Variants in GTF3C1 observed in about 807,000 individuals in gnomAD.
GTF3C1 encodes the protein general transcription factor IIIC subunit 1.
In GTF3C1, 57 loss-of-function variants were observed where a neutral mutation model predicts 226.7. That is an observed-to-expected ratio of 0.25 (90% confidence interval 0.20 to 0.31). GTF3C1 has a LOEUF of 0.31. Ranked by LOEUF, GTF3C1 falls within the 10% of genes least tolerant of loss-of-function variation. The probability of loss-of-function intolerance (pLI) is 1.00; values close to 1 mark genes in which losing one functional copy is unlikely to be tolerated. For synonymous variants in GTF3C1, 1,090 were observed against 1,084.8 expected, an observed-to-expected ratio of 1.00 and a Z score of -0.09; for missense variants, 2,217 against 2,776.1, an observed-to-expected ratio of 0.80 and a Z score of 4.53.
In GTF3C1 at chr16:27,470,293, AG is replaced by A; in HGVS notation, c.4628del (p.Ser1543PhefsTer30). On this transcript the variant is annotated frameshift_variant, in exon 31 of 37. Transcript: ENST00000356183. LOFTEE classifies it high-confidence loss of function. This position sits in a 1 kb window ranked among gnomAD's most constrained non-coding sequence, Gnocchi z 4.9. ...AGKLDQPDRF[S>X]FKDQDNNEPT... ...GCTCGTTATTATCCTGGTCTTTGAA[AG>A]AGAAACGATCAGGCTGGTCCAACTT... The A allele has an allele frequency of 6.2e-7, 1 of 1,613,898 alleles. No homozygotes were observed.
chr16:27,500,810 C>T (rs1473867916), intron 12 of GTF3C1, among the ~76,000 whole-genome samples: 1 of 152,236 alleles, frequency 6.6e-6, no homozygotes, highest in East Asian at 1.9e-4. Context: ...GCCATTGCTT[C>T]CTCTGGGATG....
chr16:27,502,988 C>A lies in GTF3C1; in HGVS notation c.1778G>T (p.Ser593Ile), dbSNP rs984173303. The change falls in exon 11 of 37, where the codon AGC becomes ATC. Residue 593 changes from serine to isoleucine, a missense_variant. Transcript: ENST00000356183. ...EVRMENPKES[S>I]SSLKTGRHSS... ...GTGCCTCCCAGTCTTCAGGGAACTG[C>A]TACTCTCCTAGAACAGAGACCGAAA... is the stretch of plus-strand genomic sequence containing the variant. The A allele has an allele frequency of 5.0e-6, 8 of 1,612,720 alleles. No homozygotes were observed. In the African/African-American group the frequency reaches 1.1e-4, roughly 22 times the overall value.
intron 9 of GTF3C1, 61 bp from the exon 10 acceptor site, chr16:27,506,177 G>T: frequency 1.0e-6 from 1 of 957,216 alleles, no homozygotes; most frequent in East Asian, 2.4e-5. Flanking sequence ...ATTCATGTTT[G>T]GCAATCAGAC....
At chr16:27,467,286 G>A (rs930865151) in intron 32 of GTF3C1, among the ~76,000 whole-genome samples, 22 of 152,176 alleles carry the variant, frequency 1.4e-4, no homozygotes, top group African/African-American at 5.3e-4. Context: ...TAAGAATTAC[G>A]CTAAATCTAT....
chr16:27,465,108 T>A (rs1257541400), intron 33 of GTF3C1, 152 bp downstream of exon 33: 1 of 723,416 alleles, frequency 1.4e-6, no homozygotes, highest in Non-Finnish European at 2.3e-6. Flanking sequence ...GGATGTGAAA[T>A]GCCCCAGTTT....
Position 27,484,287 on chromosome 16 carries a change from A to C in GTF3C1, c.3925T>G (p.Leu1309Val). The C allele has an allele frequency of 1.9e-6, 3 of 1,607,248 alleles. No homozygotes were observed. Among genetic ancestry groups the C allele is most frequent in the Non-Finnish European group, 2.6e-6 (3 of 1,173,734 alleles). Residue 1309 changes from leucine to valine, a missense_variant, in exon 25 of 37, where the codon TTG (leucine) becomes GTG (valine). Transcript: ENST00000356183. ...CCAACGGAATGAGATGTTTTATCCA[A>C]AGACTCTTCAAACGTGGCATGCAAA... ...DILHATFEES[L>V]DKTSHSVGRR...
chr16:27,496,437 G>C (rs1726976734), intron 14 of GTF3C1, among the ~76,000 whole-genome samples: 1 of 152,186 alleles, frequency 6.6e-6, no homozygotes, highest in South Asian at 2.1e-4. Context: ...TTTTGAAACA[G>C]AGTCTCGCTC....
intron 2 of GTF3C1, among the ~76,000 whole-genome samples, chr16:27,541,242 C>T (rs906598971): frequency 6.6e-6 from 1 of 152,162 alleles, no homozygotes; most frequent in Non-Finnish European, 1.5e-5. Flanking sequence ...AGCATGCCTG[C>T]TCCTGGAGGT....
intron 24 of GTF3C1, among the ~76,000 whole-genome samples, chr16:27,484,566 A>G (rs1050269065): frequency 6.6e-6 from 1 of 152,226 alleles, no homozygotes; most frequent in Non-Finnish European, 1.5e-5. Context: ...GGCCTCAGTG[A>G]CCAGCGGGAA....
At position 27,465,313 on chromosome 16, in the gene GTF3C1, C is replaced by T. The variant is rs746615350; in HGVS notation, c.5302G>A (p.Ala1768Thr). The change falls in exon 33 of 37, where the codon GCC (alanine) becomes ACC (threonine). Residue 1768 changes from alanine (A) to threonine (T), a missense_variant. Transcript: ENST00000356183. ...DKEELRRRFS[A>T]LEKAGGGRTR... ...CGCCCACCACCTGCCTTCTCCAAGG[C>T]CGAGAACCGTCTGCGCAGCTCCTCC... 2.5e-5 allele frequency: 40 copies of T among 1,614,042 alleles called. 1 individual carries two copies. The Admixed American group carries it at 6.5e-4, about 26-fold the overall frequency.
chr16:27,492,522 G>C lies in GTF3C1; in HGVS notation c.2974-7C>G. 1.2e-6 allele frequency: 2 copies of C among 1,608,198 alleles called. No homozygotes were observed. The highest frequency in any genetic ancestry group is 2.2e-5 in the East Asian group (1 of 44,856). On this transcript the variant is annotated splice_region_variant and splice_polypyrimidine_tract_variant and intron_variant, in intron 18 of 36. Coordinates refer to ENST00000356183, the MANE Select transcript of GTF3C1 (RefSeq NM_001520.4). This position sits in a 1 kb window ranked among gnomAD's most constrained non-coding sequence, Gnocchi z 5.0. ...TCTTCAAGAAGATAAAGACCTAAGG[G>C]GAGACACCAGACAGGGAGAACCCAC... is the stretch of plus-strand genomic sequence containing the variant.
chr16:27,543,428 TTG>T (rs1349830621), intron 2 of GTF3C1, among the ~76,000 whole-genome samples: 3 of 152,102 alleles, frequency 2.0e-5, no homozygotes, highest in Non-Finnish European at 4.4e-5. Context: ...TCACGCTCTA[TTG>T]TCCAGACCGG....
Position 27,492,354 on chromosome 16 carries a change from G to T in GTF3C1, c.3135C>A (p.Cys1045Ter). The T allele has an allele frequency of 6.2e-7, 1 of 1,600,346 alleles. No individual in the cohort carries two copies. The highest frequency in any genetic ancestry group is 8.5e-7 in the Non-Finnish European group (1 of 1,170,584). Residue 1045 changes from cysteine to a stop codon, truncating the protein, a stop_gained, in exon 19 of 37, where the codon TGC becomes TGA. Transcript: ENST00000356183. LOFTEE classifies it high-confidence loss of function. This position sits in a 1 kb window ranked among gnomAD's most constrained non-coding sequence, Gnocchi z 5.0. ...ENYWFDLQCVCLNTPLGVVRC... is the reference protein window; with the variant it reads ...ENYWFDLQCV ...GACACCCACCTAGTGGGGTGTTGAG[G>T]CAGACGCACTGCAGGTCAAACCAGT...
rs1388484849 is a variant in GTF3C1 at position 27,460,906 on chromosome 16, C to T, written c.*444G>A. The T allele has an allele frequency of 1.3e-5, 2 of 156,114 alleles. No homozygotes were observed. The highest frequency in any genetic ancestry group is 4.8e-5 in the African/African-American group (2 of 41,544). The allele number at this position is 156,114 out of a possible 1,614,324, so 9.7% of individuals were successfully genotyped here. On this transcript the variant is annotated 3_prime_UTR_variant, in exon 37 of 37. Transcript: ENST00000356183. ...CCTGCCTGCGGAGGGGCCACAGCCC[C>T]CATGGGGGGCCCCTCGCAGCGGGGC...
chr16:27,471,588 G>A lies in GTF3C1; in HGVS notation c.4526+160C>T, dbSNP rs1251683226. On this transcript the variant is annotated intron_variant, in intron 30 of 36. Transcript: ENST00000356183. The surrounding 1 kb of genome is among the most constrained non-coding windows in gnomAD (Gnocchi z 5.0). ...ACCTGATCCCCATACCACGAAGGAG[G>A]TAAGGGGCTGCAGGAAACCCAAGCC... 8.0e-6 allele frequency: 5 copies of A among 622,696 alleles called. No individual in the cohort carries two copies. Among genetic ancestry groups the A allele is most frequent in the Admixed American group, 2.8e-5 (1 of 36,160 alleles). 38.6% of individuals were successfully genotyped at this position (622,696 alleles called of 1,614,324 possible).
At chr16:27,498,800 C>T (rs1160392392) in intron 12 of GTF3C1, 67 bp from the exon 13 acceptor site, 7 of 788,114 alleles carry the variant, frequency 8.9e-6, no homozygotes, top group Admixed American at 1.8e-5. Flanking sequence ...GCTCCACAGT[C>T]GATTCCTAGT....
intron 2 of GTF3C1, among the ~76,000 whole-genome samples, chr16:27,541,281 G>C (rs1205486504): frequency 6.6e-6 from 1 of 152,192 alleles, no homozygotes; most frequent in Non-Finnish European, 1.5e-5. Context: ...ACAAAGTCTG[G>C]AGTGTGGTAG....
chr16:27,481,728 C>T (rs1161370361), intron 26 of GTF3C1, among the ~76,000 whole-genome samples: 1 of 152,234 alleles, frequency 6.6e-6, no homozygotes, highest in Non-Finnish European at 1.5e-5. Context: ...GCTCCCGCTC[C>T]TCCCTGGCCT....
rs957320958 is a variant in GTF3C1 at position 27,460,898 on chromosome 16, C to T, written c.*452G>A. On this transcript the variant is annotated 3_prime_UTR_variant, in exon 37 of 37. Transcript: ENST00000356183. ...TGGGATGTCCTGCCTGCGGAGGGGC[C>T]ACAGCCCCCATGGGGGGCCCCTCGC... 6.4e-6 allele frequency: 1 copy of T among 155,432 alleles called. No individual in the cohort carries two copies. Among genetic ancestry groups the T allele is most frequent in the African/African-American group, 2.4e-5 (1 of 41,508 alleles). The allele number at this position is 155,432 out of a possible 1,614,324, so 9.6% of individuals were successfully genotyped here.
Sources: gnomAD v4.1 joint callset for allele counts (sites outside exome capture counted in the v4.1 genomes callset) on GRCh38, gnomAD v4.1.1 for gene constraint, Gnocchi (gnomAD v3.1) non-coding constraint, MANE v1.5 for transcripts, NCBI Gene and HGNC (gene_info 2026-07-23, HGNC 2026-07-21) for gene names.